The following GPC5 variants were observed in gnomAD, a reference collection of about 807,000 sequenced individuals.
The protein encoded by GPC5 is glypican-5.
In GPC5, 47 loss-of-function variants were observed where a neutral mutation model predicts 53.9. The ratio of observed to expected loss-of-function variants is 0.87; its 90% confidence interval spans 0.69 to 1.11. GPC5 has a LOEUF of 1.11. GPC5 is among the 50% of genes most tolerant of loss of function. GPC5 has a pLI of 0.00. For synonymous variants in GPC5, 286 were observed against 263.3 expected (o/e 1.09, Z -0.84); for missense variants, 748 against 713.1 (o/e 1.05, Z -0.56).
chr13:92,598,496 A>G (rs1342166082), intron 7 of GPC5, among the ~76,000 whole-genome samples: 1 of 152,046 alleles, frequency 6.6e-6, no homozygotes, highest in Non-Finnish European at 1.5e-5. Flanking sequence ...CTAGATTATG[A>G]AGATTTTTGT....
At position 91,680,403 on chromosome 13, in the gene GPC5, C is replaced by T. The variant is rs565535427; in HGVS notation, c.326-12784C>T. ...GGCGGAGGTTGCAGTGAGCAAAGATCGCAACACTGCACTCCAGCCTGGGCG... is the reference window on the plus strand; with the variant it reads ...GGCGGAGGTTGCAGTGAGCAAAGATTGCAACACTGCACTCCAGCCTGGGCG... On this transcript the variant is annotated intron_variant, in intron 2 of 7. Transcript: ENST00000377067. Among the ~76,000 whole-genome samples the T allele has an allele frequency of 1.7e-4, 26 of 152,256 alleles. 1 individual carries two copies. The South Asian group carries it at 3.1e-3, about 18-fold the overall frequency.
At chr13:91,481,719 C>T (rs1883307175) in intron 2 of GPC5, among the ~76,000 whole-genome samples, 1 of 152,152 alleles carries the variant, frequency 6.6e-6, no homozygotes, top group African/African-American at 2.4e-5. Context: ...TCTCATAGCA[C>T]CTAGTTTTTG....
intron 6 of GPC5, among the ~76,000 whole-genome samples, chr13:91,964,263 A>T (rs2040158577): frequency 6.6e-6 from 1 of 152,188 alleles, no homozygotes; most frequent in African/African-American, 2.4e-5. Flanking sequence ...CAGTGAAAGA[A>T]CAAAGCCTCC....
At chr13:92,804,455 C>T (rs139916519) in intron 7 of GPC5, among the ~76,000 whole-genome samples, 39 of 152,044 alleles carry the variant, frequency 2.6e-4, no homozygotes, top group African/African-American at 9.4e-4. Context: ...ATTATATTTA[C>T]ACTAGTCTAT....
At chr13:92,801,688 T>C (rs1047489795) in intron 7 of GPC5, among the ~76,000 whole-genome samples, 21 of 151,920 alleles carry the variant, frequency 1.4e-4, no homozygotes, top group Non-Finnish European at 2.1e-4. Context: ...GGCAGTGATA[T>C]TGATGATCCT....
intron 7 of GPC5, among the ~76,000 whole-genome samples, chr13:92,305,263 A>C (rs998195520): frequency 1.3e-5 from 2 of 152,174 alleles, no homozygotes; most frequent in African/African-American, 4.8e-5. Context: ...AGAGTTGAGA[A>C]TCGTTAAAGT....
intron 1 of GPC5, 131 bp from the exon 2 acceptor site, chr13:91,448,630 A>G (rs1393070599): frequency 1.2e-6 from 1 of 808,004 alleles, no homozygotes; most frequent in Non-Finnish European, 1.9e-6. Context: ...ACTTTCTTAT[A>G]GCAAGTACTC....
chr13:92,632,157 GAAATT>G (rs1367482174), intron 7 of GPC5, among the ~76,000 whole-genome samples: 1 of 152,142 alleles, frequency 6.6e-6, no homozygotes. Flanking sequence ...CAAAAGCATT[GAAATT>G]AAATAAAATT....
intron 3 of GPC5, among the ~76,000 whole-genome samples, chr13:91,707,632 T>C (rs2139888789): frequency 6.6e-6 from 1 of 151,930 alleles, no homozygotes. Flanking sequence ...AAAAAAATAA[T>C]AAAAACAAAG....
chr13:91,913,372 C>A (rs185530464), intron 6 of GPC5, among the ~76,000 whole-genome samples: 3 of 147,896 alleles, frequency 2.0e-5, no homozygotes, highest in African/African-American at 7.5e-5. Context: ...ACACTCCAGT[C>A]TGGGTGACAG....
chr13:91,923,259 A>G (rs80220548), intron 6 of GPC5, among the ~76,000 whole-genome samples: 4,912 of 152,278 alleles, frequency 0.032, 117 homozygotes, highest in Middle Eastern at 0.061. Flanking sequence ...GACTCAATAA[A>G]TGTACTCTGT....
At chr13:92,161,034 A>G (rs1000380298) in intron 7 of GPC5, among the ~76,000 whole-genome samples, 1 of 75,710 alleles carries the variant, frequency 1.3e-5, no homozygotes, top group Non-Finnish European at 2.7e-5. Context: ...GGCTCGCTCA[A>G]AAGTGTTTTT....
At chr13:91,914,442 C>A (rs1484184945) in intron 6 of GPC5, among the ~76,000 whole-genome samples, 1 of 152,024 alleles carries the variant, frequency 6.6e-6, no homozygotes, top group African/African-American at 2.4e-5. Context: ...GAGACCCAAA[C>A]TTCTTTTCAA....
intron 7 of GPC5, among the ~76,000 whole-genome samples, chr13:92,355,759 C>T (rs1412029600): frequency 6.6e-6 from 1 of 152,062 alleles, no homozygotes; most frequent in Non-Finnish European, 1.5e-5. Flanking sequence ...CAATAAGACC[C>T]ATACCCCAAA....
chr13:91,570,196 G>T (rs2031719492), intron 2 of GPC5, among the ~76,000 whole-genome samples: 1 of 152,106 alleles, frequency 6.6e-6, no homozygotes, highest in Non-Finnish European at 1.5e-5. Flanking sequence ...ACATCAGAAA[G>T]TTAATGTTTT....
intron 5 of GPC5, among the ~76,000 whole-genome samples, chr13:91,907,430 A>G (rs1345645714): frequency 6.8e-6 from 1 of 146,224 alleles, no homozygotes; most frequent in Non-Finnish European, 1.5e-5. Flanking sequence ...TATATATAAT[A>G]TATATTATAT....
chr13:91,450,972 T>A (rs376709258), intron 2 of GPC5, among the ~76,000 whole-genome samples: 21 of 152,148 alleles, frequency 1.4e-4, no homozygotes, highest in African/African-American at 5.1e-4. Flanking sequence ...TAAATATATA[T>A]GCCAAAAGCA....
At chr13:92,657,592 T>G (rs796142287) in intron 7 of GPC5, among the ~76,000 whole-genome samples, 11 of 148,986 alleles carry the variant, frequency 7.4e-5, no homozygotes, top group South Asian at 6.4e-4. Context: ...TTTTTTTTTT[T>G]TTTTTTTTTT....
At chr13:92,627,915 A>G (rs1885098148) in intron 7 of GPC5, among the ~76,000 whole-genome samples, 1 of 152,164 alleles carries the variant, frequency 6.6e-6, no homozygotes, top group Non-Finnish European at 1.5e-5. Context: ...AATGGCATAT[A>G]TTTTCTTCCT....
Sources: gnomAD v4.1 joint callset for allele counts (sites outside exome capture counted in the v4.1 genomes callset) on GRCh38, gnomAD v4.1.1 for gene constraint, MANE v1.5 for transcripts, NCBI Gene and HGNC (gene_info 2026-07-23, HGNC 2026-07-21) for gene names.